KCNQ1: variants seen among roughly 807,000 people sequenced by gnomAD.
KCNQ1 encodes potassium voltage-gated channel subfamily Q member 1.
In KCNQ1, 49 loss-of-function variants were observed where a neutral mutation model predicts 72.4. The ratio of observed to expected loss-of-function variants is 0.68; its 90% CI spans 0.54 to 0.86. The LOEUF is 0.86. Among genes scored for constraint, KCNQ1 ranks in the 40% least tolerant of loss-of-function variants. The pLI, the probability that KCNQ1 is intolerant of heterozygous loss-of-function variation, is 0.00. For missense variants in KCNQ1, 790 were observed against 945.1 expected (o/e 0.84, Z 2.15); for synonymous variants, 450 against 412.6 (o/e 1.09, Z -1.10).
In KCNQ1 at chr11:2,724,964, T is replaced by C. The variant is rs1845732621; in HGVS notation, c.1515-43880T>C. On this transcript the variant is annotated intron_variant, in intron 11 of 15. Transcript: ENST00000155840. This position sits in a 1 kb window ranked among gnomAD's most constrained non-coding sequence, Gnocchi z 6.8. ...TGCCGAGGGCAGGGTCTGGTGTGGC[T>C]ATCAGGAGCCACTGGATTGGAACTT... Among the ~76,000 whole-genome samples, 1 of 152,086 alleles carries C rather than the reference T, an allele frequency of 6.6e-6. No individual in the cohort carries two copies. The highest frequency in any genetic ancestry group is 2.1e-4 in the South Asian group (1 of 4,814).
intron 11 of KCNQ1, among the ~76,000 whole-genome samples, chr11:2,732,642 G>A (rs975904675): frequency 2.0e-5 from 3 of 152,242 alleles, no homozygotes; most frequent in East Asian, 1.9e-4. Flanking sequence ...TTCCGGCCAC[G>A]GGGCAGCAGT....
At position 2,586,350 on chromosome 11, in the gene KCNQ1, C is replaced by T. The variant is rs114020744; in HGVS notation, c.1128+1043C>T. On this transcript the variant is annotated intron_variant, in intron 8 of 15. Coordinates refer to ENST00000155840, the MANE Select transcript of KCNQ1 (RefSeq NM_000218.3). ...AGCCATCGGGGGGGCTGTGTGCTCCCACCCTTAGCCTGGTTTTATGGCTTC... is the reference window on the plus strand; with the variant it reads ...AGCCATCGGGGGGGCTGTGTGCTCCTACCCTTAGCCTGGTTTTATGGCTTC... Among the ~76,000 whole-genome samples, 569 of 152,360 alleles carry T rather than the reference C, an allele frequency of 3.7e-3. 3 individuals carry two copies. Among genetic ancestry groups the T allele is most frequent in the African/African-American group, 0.013 (521 of 41,582 alleles).
intron 15 of KCNQ1, among the ~76,000 whole-genome samples, chr11:2,804,708 G>A (rs1847338623): frequency 6.6e-6 from 1 of 152,368 alleles, no homozygotes; most frequent in South Asian, 2.1e-4. Flanking sequence ...ACACTCTCCT[G>A]GCCCTTGGCA....
chr11:2,556,139 G>A (rs1848066569), intron 2 of KCNQ1, among the ~76,000 whole-genome samples: 1 of 152,172 alleles, frequency 6.6e-6, no homozygotes, highest in Non-Finnish European at 1.5e-5. Flanking sequence ...CATCGCACCA[G>A]ACCCTGCCTC....
At chr11:2,487,978 A>G (rs1386037881) in intron 1 of KCNQ1, among the ~76,000 whole-genome samples, 2 of 152,128 alleles carry the variant, frequency 1.3e-5, no homozygotes, top group African/African-American at 4.8e-5. Flanking sequence ...TTTCAGTCTC[A>G]TCATTATGAT....
chr11:2,561,850 G>A (rs1432339328), intron 2 of KCNQ1, among the ~76,000 whole-genome samples: 1 of 152,228 alleles, frequency 6.6e-6, no homozygotes, highest in East Asian at 1.9e-4. Flanking sequence ...GCTACCTTGG[G>A]CGGGCAGGGC....
intron 11 of KCNQ1, among the ~76,000 whole-genome samples, chr11:2,729,987 A>G (rs1400372087): frequency 6.6e-6 from 1 of 152,184 alleles, no homozygotes; most frequent in Non-Finnish European, 1.5e-5. Context: ...AAGGCCCTGA[A>G]GTGGGGATGG....
intron 1 of KCNQ1, among the ~76,000 whole-genome samples, chr11:2,525,588 G>A (rs554587826): frequency 6.6e-6 from 1 of 152,236 alleles, no homozygotes; most frequent in African/African-American, 2.4e-5. Context: ...GAAGCACCGC[G>A]TTTGCAAATG....
rs996795711 is a variant in KCNQ1 at position 2,782,147 on chromosome 11, C to T, written c.1794+4110C>T. On this transcript the variant is annotated intron_variant, in intron 15 of 15. Transcript: ENST00000155840. The surrounding 1 kb of genome is among the most constrained non-coding windows in gnomAD (Gnocchi z 6.1). Reference sequence around the variant, plus strand: ...GGCTTTTTTGTCTTGGGCAGTTCCCCGAGCTGCACCCCCAGAGCCGCCGTG... The same window carrying T: ...GGCTTTTTTGTCTTGGGCAGTTCCCTGAGCTGCACCCCCAGAGCCGCCGTG... 8.5e-5 allele frequency among the ~76,000 whole-genome samples: 13 copies of T among 152,098 alleles called. No individual in the cohort carries two copies. The highest frequency in any genetic ancestry group is 3.2e-3 in the Middle Eastern group (1 of 316).
chr11:2,812,010 G>A (rs1242099058), intron 15 of KCNQ1, among the ~76,000 whole-genome samples: 3 of 152,028 alleles, frequency 2.0e-5, no homozygotes, highest in East Asian at 1.9e-4. Context: ...GCCGCCTCTC[G>A]TTCCTGTCCT....
intron 10 of KCNQ1, chr11:2,615,060 T>A (rs1010831356): frequency 2.5e-6 from 1 of 398,236 alleles, no homozygotes; most frequent in Non-Finnish European, 4.4e-6. Context: ...TAAGTCTTCT[T>A]TAATTTTTGT....
In KCNQ1 at chr11:2,690,981, C is replaced by T; in HGVS notation, c.1514+28900C>T. The T allele has an allele frequency of 2.5e-6, 1 of 398,642 alleles. No homozygotes were observed. The highest frequency in any genetic ancestry group is 4.4e-6 in the Non-Finnish European group (1 of 226,082). 24.7% of individuals were successfully genotyped at this position (398,642 alleles called of 1,614,324 possible). A position where few individuals can be genotyped will look rare whatever the true frequency, so the allele number is the denominator to read the frequency against. On this transcript the variant is annotated intron_variant, in intron 11 of 15. Transcript: ENST00000155840. The surrounding 1 kb of genome is among the most constrained non-coding windows in gnomAD (Gnocchi z 5.1). ...ACGGGTATGTGTCAACAAAAGCCCA[C>T]CAGACCATCAATGAAGTGGGCAAAA...
At chr11:2,631,457 G>A in intron 10 of KCNQ1, 2 of 397,176 alleles carry the variant, frequency 5.0e-6, no homozygotes, top group East Asian at 7.1e-5. Flanking sequence ...TTTCTTTATT[G>A]AATGTCTCCT....
chr11:2,567,590 T>G lies in KCNQ1; in HGVS notation c.478-3038T>G, dbSNP rs1340648128. On this transcript the variant is annotated intron_variant, in intron 2 of 15. Coordinates refer to ENST00000155840, the MANE Select transcript of KCNQ1 (RefSeq NM_000218.3). This position sits in a 1 kb window ranked among gnomAD's most constrained non-coding sequence, Gnocchi z 6.6. ...TGAGCAAACATTCCATCTTGCTGTT[T>G]CCAGCCTAGAGATGGTGAGGGGACT... Among the ~76,000 whole-genome samples, 1 of 152,214 alleles carries G rather than the reference T, an allele frequency of 6.6e-6. No homozygotes were observed. The highest frequency in any genetic ancestry group is 2.4e-5 in the African/African-American group (1 of 41,450).
chr11:2,684,841 A>G, intron 11 of KCNQ1: 1 of 398,636 alleles, frequency 2.5e-6, no homozygotes, highest in Non-Finnish European at 4.4e-6. Flanking sequence ...GCCTCCTGTT[A>G]TTGGCTTCCT....
chr11:2,843,682 ACT>A (rs1848258034), intron 15 of KCNQ1, among the ~76,000 whole-genome samples: 1 of 152,032 alleles, frequency 6.6e-6, no homozygotes, highest in African/African-American at 2.4e-5. Flanking sequence ...CCCTTGAAAG[ACT>A]CTTTTTCAAG....
At chr11:2,716,990 G>A (rs1851103581) in intron 11 of KCNQ1, among the ~76,000 whole-genome samples, 1 of 152,172 alleles carries the variant, frequency 6.6e-6, no homozygotes, top group African/African-American at 2.4e-5. Flanking sequence ...CTGTTCAGTG[G>A]GCCCTGTATT....
Position 2,566,581 on chromosome 11 carries a change from GC to G in KCNQ1, c.478-4045del, listed in dbSNP as rs1848251400. Among the ~76,000 whole-genome samples, 1 of 152,188 alleles carries G rather than the reference GC, an allele frequency of 6.6e-6. No individual in the cohort carries two copies. Among genetic ancestry groups the G allele is most frequent in the African/African-American group, 2.4e-5 (1 of 41,438 alleles). On this transcript the variant is annotated intron_variant, in intron 2 of 15. Transcript: ENST00000155840. The surrounding 1 kb of genome is among the most constrained non-coding windows in gnomAD (Gnocchi z 6.7). ...CCTTTTGTCCATGAAGCCATCTGCA[GC>G]CAGGAGGCGGCCTTGCTTTAGTCTG...
At chr11:2,449,219 A>G (rs55724637) in intron 1 of KCNQ1, among the ~76,000 whole-genome samples, 1 of 152,292 alleles carries the variant, frequency 6.6e-6, no homozygotes, top group Non-Finnish European at 1.5e-5. Context: ...GTTGGAGGGA[A>G]CATTCACCCG....
Sources: gnomAD v4.1 joint callset for allele counts (sites outside exome capture counted in the v4.1 genomes callset) on GRCh38, gnomAD v4.1.1 for gene constraint, Gnocchi (gnomAD v3.1) non-coding constraint, MANE v1.5 for transcripts, NCBI Gene and HGNC (gene_info 2026-07-23, HGNC 2026-07-21) for gene names.